Variants in MDFIC2 observed in about 807,000 individuals in gnomAD.
The protein encoded by MDFIC2 is MyoD family inhibitor domain containing 2, also known as myoD family inhibitor domain-containing protein 2.
intron 2 of MDFIC2, among the ~76,000 whole-genome samples, chr3:70,211,811 T>C (rs1701353093): frequency 6.8e-6 from 1 of 146,042 alleles, no homozygotes; most frequent in South Asian, 2.2e-4. Context: ...TCCTTACCCT[T>C]CCCTTCCCTT....
intron 2 of MDFIC2, among the ~76,000 whole-genome samples, chr3:70,268,307 T>G (rs532067229): frequency 6.6e-6 from 1 of 151,932 alleles, no homozygotes; most frequent in Non-Finnish European, 1.5e-5. Flanking sequence ...ACCCACCGTC[T>G]GTACTAAAAT....
chr3:70,247,446 C>T (rs1008946795), intron 2 of MDFIC2, among the ~76,000 whole-genome samples: 4 of 151,642 alleles, frequency 2.6e-5, no homozygotes, highest in Non-Finnish European at 4.4e-5. Flanking sequence ...TTGAGCACTT[C>T]ATATGTATTC....
At chr3:70,280,806 G>C (rs1482100597) in intron 2 of MDFIC2, among the ~76,000 whole-genome samples, 2 of 152,098 alleles carry the variant, frequency 1.3e-5, no homozygotes, top group African/African-American at 2.4e-5. Flanking sequence ...TTGACTGTAG[G>C]TCATGAAACA....
intron 3 of MDFIC2, among the ~76,000 whole-genome samples, chr3:70,200,963 T>G (rs116729984): frequency 0.021 from 2,630 of 126,862 alleles, 82 homozygotes; most frequent in African/African-American, 0.069. Flanking sequence ...ATACTTTTTT[T>G]GGGGTGGGGG....
chr3:70,271,910 C>A (rs113256151), intron 2 of MDFIC2: 18,009 of 152,180 alleles, frequency 0.12, 1,153 homozygotes, highest in East Asian at 0.22. Context: ...CTTACAGGCA[C>A]CTGCCATCAT....
intron 2 of MDFIC2, among the ~76,000 whole-genome samples, chr3:70,246,650 C>A (rs994793726): frequency 7.2e-5 from 11 of 151,986 alleles, no homozygotes; most frequent in Non-Finnish European, 1.5e-5. Flanking sequence ...TTGACAACAA[C>A]CTACATTTAT....
At chr3:70,288,926 A>C (rs1267678782) in intron 2 of MDFIC2, among the ~76,000 whole-genome samples, 1 of 151,554 alleles carries the variant, frequency 6.6e-6, no homozygotes, top group Non-Finnish European at 1.5e-5. Flanking sequence ...ATCTTCCTCC[A>C]TCCTTTTATT....
chr3:70,250,654 T>G (rs1475379696), intron 2 of MDFIC2, among the ~76,000 whole-genome samples: 1 of 152,206 alleles, frequency 6.6e-6, no homozygotes, highest in Non-Finnish European at 1.5e-5. Context: ...TGTTTTTATT[T>G]CACAAAAATT....
chr3:70,231,711 G>A (rs1441975269), intron 2 of MDFIC2, among the ~76,000 whole-genome samples: 2 of 152,080 alleles, frequency 1.3e-5, no homozygotes, highest in African/African-American at 4.8e-5. Flanking sequence ...AGAGATACAC[G>A]GAGAGAAGAA....
chr3:70,303,193 C>T (rs1046580832), intron 2 of MDFIC2, among the ~76,000 whole-genome samples: 1 of 152,044 alleles, frequency 6.6e-6, no homozygotes, highest in African/African-American at 2.4e-5. Flanking sequence ...TTAGAGTAGA[C>T]ATTATGTTGG....
chr3:70,305,733 G>A (rs1274941485), intron 2 of MDFIC2, among the ~76,000 whole-genome samples: 1 of 152,196 alleles, frequency 6.6e-6, no homozygotes, highest in Non-Finnish European at 1.5e-5. Flanking sequence ...GAAGTAAGTT[G>A]TCTTCACTTA....
chr3:70,268,539 A>T, intron 2 of MDFIC2, among the ~76,000 whole-genome samples: 1 of 151,522 alleles, frequency 6.6e-6, no homozygotes, highest in East Asian at 1.9e-4. Flanking sequence ...ATAAACCTAC[A>T]CTGACACATC....
At chr3:70,284,469 C>T (rs1174917563) in intron 2 of MDFIC2, among the ~76,000 whole-genome samples, 3 of 152,046 alleles carry the variant, frequency 2.0e-5, no homozygotes, top group African/African-American at 7.2e-5. Flanking sequence ...AACCCATTTA[C>T]TCACACAGCA....
At chr3:70,207,082 C>T (rs1349233751) in intron 2 of MDFIC2, among the ~76,000 whole-genome samples, 3 of 145,824 alleles carry the variant, frequency 2.1e-5, no homozygotes, top group Non-Finnish European at 4.5e-5. Context: ...GCAATTCATT[C>T]ACTTGGATCA....
chr3:70,214,328 C>A (rs915845008), intron 2 of MDFIC2, among the ~76,000 whole-genome samples: 2 of 152,098 alleles, frequency 1.3e-5, no homozygotes, highest in Non-Finnish European at 2.9e-5. Flanking sequence ...TGTAGCACTT[C>A]AACTAAAACC....
chr3:70,293,912 T>C (rs1359541881), intron 2 of MDFIC2, among the ~76,000 whole-genome samples: 1 of 151,962 alleles, frequency 6.6e-6, no homozygotes, highest in African/African-American at 2.4e-5. Context: ...AAAGAGACCC[T>C]TGGAGCCAGA....
intron 2 of MDFIC2, among the ~76,000 whole-genome samples, chr3:70,255,285 A>G (rs527542530): frequency 6.6e-6 from 1 of 152,366 alleles, no homozygotes; most frequent in East Asian, 1.9e-4. Context: ...CAAAACTTCT[A>G]TGAAAAAACA....
intron 2 of MDFIC2, among the ~76,000 whole-genome samples, chr3:70,284,977 T>C (rs569755263): frequency 6.6e-6 from 1 of 152,308 alleles, no homozygotes; most frequent in South Asian, 2.1e-4. Context: ...CAATGTTACA[T>C]GGGTTAAACT....
intron 3 of MDFIC2, among the ~76,000 whole-genome samples, chr3:70,201,343 C>T (rs1395324333): frequency 6.6e-6 from 1 of 152,116 alleles, no homozygotes; most frequent in East Asian, 1.9e-4. Flanking sequence ...TGATGGCATC[C>T]AGCTCCATCC....
Sources: gnomAD v4.1 joint callset for allele counts (sites outside exome capture counted in the v4.1 genomes callset) on GRCh38, gnomAD v4.1.1 for gene constraint, MANE v1.5 for transcripts, NCBI Gene and HGNC (gene_info 2026-07-23, HGNC 2026-07-21) for gene names.